The following MEI4 variants were observed in gnomAD, a reference collection of about 807,000 sequenced individuals.
MEI4 encodes meiosis-specific protein MEI4.
Under a neutral mutation model 31.4 loss-of-function variants are expected in MEI4, and 27 were observed. That is an observed-to-expected ratio of 0.86 (90% confidence interval 0.63 to 1.19). MEI4 has a LOEUF of 1.19. Ranked by LOEUF, MEI4 falls within the 50% of genes most tolerant of loss-of-function variation. MEI4 has a pLI of 0.00. For missense variants in MEI4, 329 were observed against 398.9 expected (o/e 0.82, Z 1.49); for synonymous variants, 122 against 145.4 (o/e 0.84, Z 1.16).
chr6:77,704,523 TC>T (rs1766289967), intron 2 of MEI4, among the ~76,000 whole-genome samples: 1 of 152,184 alleles, frequency 6.6e-6, no homozygotes, highest in African/African-American at 2.4e-5. Flanking sequence ...ATCAGTGAAT[TC>T]CCCACAAGCT....
At chr6:77,781,804 T>A (rs571825157) in intron 3 of MEI4, among the ~76,000 whole-genome samples, 1 of 152,270 alleles carries the variant, frequency 6.6e-6, no homozygotes, top group African/African-American at 2.4e-5. Context: ...TGCTGCCTTG[T>A]CAAAGCTATG....
intron 2 of MEI4, among the ~76,000 whole-genome samples, chr6:77,711,140 T>A (rs898200173): frequency 2.0e-5 from 3 of 152,046 alleles, no homozygotes; most frequent in Non-Finnish European, 2.9e-5. Context: ...AGGGTTTCAG[T>A]TAGGATGAAT....
Position 77,921,103 on chromosome 6 carries a change from G to A in MEI4, c.901-1986G>A, listed in dbSNP as rs187182770. 5.3e-5 allele frequency among the ~76,000 whole-genome samples: 8 copies of A among 151,824 alleles called. 1 individual carries two copies. Among genetic ancestry groups the A allele is most frequent in the East Asian group, 3.9e-4 (2 of 5,144 alleles). On this transcript the variant is annotated intron_variant, in intron 4 of 4. Coordinates refer to ENST00000684080, the MANE Select transcript of MEI4 (RefSeq NM_001322247.2). ...CCCTGTAGCTACAAAATTCCTAGAC[G>A]GCATCTTCTTTCAGTAGAAGGCTGT...
chr6:77,797,064 A>C (rs181215362), intron 3 of MEI4, among the ~76,000 whole-genome samples: 1 of 152,338 alleles, frequency 6.6e-6, no homozygotes, highest in Non-Finnish European at 1.5e-5. Context: ...ATTTTTGACA[A>C]GGATGCCAAG....
At chr6:77,872,679 A>C (rs914738367) in intron 4 of MEI4, among the ~76,000 whole-genome samples, 2 of 148,616 alleles carry the variant, frequency 1.3e-5, no homozygotes, top group East Asian at 2.0e-4. Context: ...TGCTGCACCC[A>C]TTAACTCGTC....
intron 1 of MEI4, among the ~76,000 whole-genome samples, chr6:77,654,906 G>T (rs1197577901): frequency 2.6e-5 from 4 of 152,006 alleles, no homozygotes; most frequent in African/African-American, 9.7e-5. Flanking sequence ...TTTTGTTTTA[G>T]TTTTTATTTT....
At chr6:77,797,221 T>G (rs1582154943) in intron 3 of MEI4, among the ~76,000 whole-genome samples, 1 of 152,288 alleles carries the variant, frequency 6.6e-6, no homozygotes, top group Non-Finnish European at 1.5e-5. Context: ...ATATAAGACC[T>G]GAAACTATAA....
chr6:77,656,540 A>G (rs1380524496), intron 1 of MEI4, among the ~76,000 whole-genome samples: 1 of 152,168 alleles, frequency 6.6e-6, no homozygotes, highest in African/African-American at 2.4e-5. Context: ...TTCACAGTAG[A>G]TTAAATGTTC....
At chr6:77,834,623 G>T (rs1014051370) in intron 4 of MEI4, among the ~76,000 whole-genome samples, 45 of 152,018 alleles carry the variant, frequency 3.0e-4, no homozygotes, top group East Asian at 2.9e-3. Flanking sequence ...GGTCCAAGCC[G>T]CTTGCAGTCT....
intron 4 of MEI4, among the ~76,000 whole-genome samples, chr6:77,886,573 G>A (rs1234256851): frequency 2.6e-5 from 4 of 152,008 alleles, no homozygotes; most frequent in African/African-American, 9.7e-5. Context: ...TGGAATTACA[G>A]GCACCCACAA....
intron 1 of MEI4, among the ~76,000 whole-genome samples, chr6:77,658,887 C>G (rs1562194874): frequency 6.6e-6 from 1 of 152,082 alleles, no homozygotes; most frequent in South Asian, 2.1e-4. Flanking sequence ...GGGCTCTATC[C>G]TTGAGTTTTT....
At chr6:77,740,912 C>G (rs1260382753) in intron 2 of MEI4, among the ~76,000 whole-genome samples, 5 of 152,054 alleles carry the variant, frequency 3.3e-5, no homozygotes, top group Admixed American at 1.3e-4. Context: ...TGTGTCTACC[C>G]TGAAGAACCT....
chr6:77,841,333 A>ATATATATATATATATATATATATT, intron 4 of MEI4, among the ~76,000 whole-genome samples: 2 of 27,738 alleles, frequency 7.2e-5, no homozygotes, highest in African/African-American at 6.5e-4. Context: ...ATATATATAT[A>ATATATATATATATATATATATATT]TTTTTTTTTT....
intron 4 of MEI4, among the ~76,000 whole-genome samples, chr6:77,886,553 C>T (rs1390764496): frequency 2.6e-5 from 4 of 152,024 alleles, no homozygotes; most frequent in Non-Finnish European, 4.4e-5. Flanking sequence ...GCCTCAGCCT[C>T]CCAAGTAGCT....
intron 3 of MEI4, among the ~76,000 whole-genome samples, chr6:77,780,413 T>C (rs1768563181): frequency 6.6e-6 from 1 of 152,136 alleles, no homozygotes; most frequent in African/African-American, 2.4e-5. Context: ...TGAATAAATG[T>C]CCGCAGGGCC....
intron 2 of MEI4, among the ~76,000 whole-genome samples, chr6:77,736,566 C>T (rs536836899): frequency 6.6e-6 from 1 of 152,112 alleles, no homozygotes; most frequent in Non-Finnish European, 1.5e-5. Context: ...CCCTGTACCT[C>T]AGATGGAAAT....
intron 2 of MEI4, among the ~76,000 whole-genome samples, chr6:77,704,428 A>G (rs114593579): frequency 0.01 from 1,574 of 152,314 alleles, 28 homozygotes; most frequent in African/African-American, 0.036. Flanking sequence ...TAAGTTATCT[A>G]AAAGGTTAAA....
At chr6:77,842,051 T>G (rs2127715137) in intron 4 of MEI4, among the ~76,000 whole-genome samples, 1 of 152,272 alleles carries the variant, frequency 6.6e-6, no homozygotes, top group South Asian at 2.1e-4. Flanking sequence ...CAGCAATATC[T>G]TAGAAAACCA....
chr6:77,777,769 C>T (rs1768490232), intron 3 of MEI4, among the ~76,000 whole-genome samples: 1 of 151,960 alleles, frequency 6.6e-6, no homozygotes, highest in Non-Finnish European at 1.5e-5. Context: ...AACCAAAGAG[C>T]AGGCAGAAAT....
Sources: allele counts gnomAD v4.1 joint callset (sites outside exome capture counted in the v4.1 genomes callset), GRCh38; gene constraint gnomAD v4.1.1; transcripts MANE v1.5; gene names NCBI Gene and HGNC (gene_info 2026-07-23, HGNC 2026-07-21).